Variants in MCM10 observed in about 807,000 individuals in gnomAD.
The protein encoded by MCM10 is protein MCM10 homolog.
MCM10 carries 91 observed loss-of-function variants against 109.9 expected under a neutral mutation model. That is an observed-to-expected ratio of 0.83 (90% CI 0.70 to 0.99). The LOEUF (loss-of-function observed/expected upper bound fraction) is 0.99. Among genes scored for constraint, MCM10 ranks in the 50% least tolerant of loss-of-function variants. The pLI is 0.00. For synonymous variants in MCM10, 380 were observed against 387.2 expected (o/e 0.98, Z 0.22); for missense variants, 1,077 against 1,061.2 (o/e 1.01, Z -0.21).
chr10:13,196,636 C>T (rs61852863), intron 14 of MCM10, among the ~76,000 whole-genome samples: 32,274 of 151,898 alleles, frequency 0.21, 4,060 homozygotes, highest in African/African-American at 0.32. Context: ...CCTCAGCCTC[C>T]CGAATTGCTG....
intron 3 of MCM10, 51 bp downstream of exon 3, chr10:13,171,314 A>G: frequency 6.9e-7 from 1 of 1,456,224 alleles, no homozygotes; most frequent in Admixed American, 2.3e-5. Flanking sequence ...TTGGATGAAG[A>G]CCACCAATCT....
chr10:13,166,382 T>C (rs1462200444), intron 2 of MCM10, among the ~76,000 whole-genome samples: 1 of 152,010 alleles, frequency 6.6e-6, no homozygotes, highest in African/African-American at 2.4e-5. Flanking sequence ...ACGCCTGTAA[T>C]CCCAGCACGT....
At chr10:13,177,814 C>T (rs946611774) in intron 6 of MCM10, among the ~76,000 whole-genome samples, 11 of 150,080 alleles carry the variant, frequency 7.3e-5, no homozygotes, top group African/African-American at 1.5e-4. Context: ...TGTGCCACTG[C>T]GCTCCATCCT....
At chr10:13,199,617 A>G (rs1046284846) in intron 16 of MCM10, among the ~76,000 whole-genome samples, 1 of 152,216 alleles carries the variant, frequency 6.6e-6, no homozygotes, top group Non-Finnish European at 1.5e-5. Flanking sequence ...AGTCATTTCG[A>G]AAAAAATCAA....
At chr10:13,164,340 G>T in intron 2 of MCM10, 131 bp downstream of exon 2, 1 of 751,398 alleles carries the variant, frequency 1.3e-6, no homozygotes, top group Non-Finnish European at 2.0e-6. Context: ...TAGTGGTTCT[G>T]AAGCAATCTC....
At chr10:13,174,131 T>G (rs1292967124) in intron 5 of MCM10, among the ~76,000 whole-genome samples, 12 of 143,090 alleles carry the variant, frequency 8.4e-5, no homozygotes, top group African/African-American at 2.8e-4. Context: ...GAGCTAGTTT[T>G]GGATTTTTTT....
chr10:13,205,537 T>C (rs1235040826), intron 18 of MCM10, among the ~76,000 whole-genome samples: 1 of 152,206 alleles, frequency 6.6e-6, no homozygotes, highest in Non-Finnish European at 1.5e-5. Context: ...TTTGGGTAGA[T>C]ACCCAGTAGT....
rs1834221301 is a variant in MCM10, at chr10:13,182,472, T to C, written c.931-461T>C. Reference sequence around the variant, plus strand: ...ACCTGGATGACAGAGCAAGACTCTGTCTCTAAAAATAATAATCATCATATA... The same window carrying C: ...ACCTGGATGACAGAGCAAGACTCTGCCTCTAAAAATAATAATCATCATATA... On this transcript the variant is annotated intron_variant, in intron 7 of 19. Coordinates refer to ENST00000378714, the MANE Select transcript of MCM10 (RefSeq NM_018518.5). This position sits in a 1 kb window ranked among gnomAD's most constrained non-coding sequence, Gnocchi z 4.2. Among the ~76,000 whole-genome samples, 1 of 152,100 alleles carries C rather than the reference T, an allele frequency of 6.6e-6. No homozygotes were observed. The highest frequency in any genetic ancestry group is 2.4e-5 in the African/African-American group (1 of 41,402).
rs757850691 is a variant in MCM10 at position 13,182,988 on chromosome 10, T to C, written c.986T>C (p.Val329Ala). 1 of 1,614,138 alleles carries C rather than the reference T, an allele frequency of 6.2e-7. No individual in the cohort carries two copies. Among genetic ancestry groups the C allele is most frequent in the Non-Finnish European group, 8.5e-7 (1 of 1,180,004 alleles). The change falls in exon 8 of 20, where the codon GTG becomes GCG. Residue 329 changes from valine (V) to alanine (A), a missense_variant. Transcript: ENST00000378714. The surrounding 1 kb of genome is among the most constrained non-coding windows in gnomAD (Gnocchi z 4.2). The stretch of plus-strand genomic sequence containing the variant: ...GATCTTCGTGACCTGACACAATGTG[T>C]GTCCTTGTTCTTATTTGGAGAAGTT... ...LNDLRDLTQCVSLFLFGEVHK... is the reference protein window; with the variant it reads ...LNDLRDLTQCASLFLFGEVHK...
chr10:13,192,360 C>T lies in MCM10; in HGVS notation c.1622C>T (p.Ala541Val), dbSNP rs114656409. 1,074 of 1,612,870 alleles carry T rather than the reference C, an allele frequency of 6.7e-4. 9 individuals are homozygous for T. The African/African-American group carries it at 0.012, about 18-fold the overall frequency. The change falls in exon 12 of 20, where the codon GCT (alanine) becomes GTT (valine). Residue 541 changes from alanine to valine, a missense_variant. By Grantham distance (64) the Ala-to-Val change is moderately conservative. Transcript: ENST00000378714. The part of the protein sequence containing the change: ...NLKQHLAKAT[A>V]SGIMGSPKPA... ...AAACAACATTTAGCCAAAGCCACAG[C>T]TTCAGGTACCATCAGCTGCATGGCC...
At chr10:13,173,521 C>G (rs1434480748) in intron 5 of MCM10, among the ~76,000 whole-genome samples, 4 of 152,130 alleles carry the variant, frequency 2.6e-5, no homozygotes, top group African/African-American at 9.7e-5. Flanking sequence ...GCTTTCTGCC[C>G]TATGTATTGC....
chr10:13,173,823 C>T (rs1834106466), intron 5 of MCM10, among the ~76,000 whole-genome samples: 1 of 152,090 alleles, frequency 6.6e-6, no homozygotes, highest in Admixed American at 6.5e-5. Context: ...GGGGAATGGG[C>T]CTGGCCTCTA....
chr10:13,196,742 A>G (rs900608552), intron 14 of MCM10, among the ~76,000 whole-genome samples: 2 of 151,480 alleles, frequency 1.3e-5, no homozygotes, highest in African/African-American at 4.9e-5. Context: ...CGAACTCCTG[A>G]CCTCAAGTGA....
rs745306837 is a variant in MCM10, at chr10:13,171,262, AG to A, written c.349+1del. 14 of 1,605,408 alleles carry A rather than the reference AG, an allele frequency of 8.7e-6. No individual in the cohort carries two copies. Among genetic ancestry groups the A allele is most frequent in the Non-Finnish European group, 1.2e-5 (14 of 1,175,700 alleles). ...GAGAGAAAACGAATGAAGAGTTGCA[AG>A]GTGCCCTAACTACTTGCCTTCCTTA... ...RREKTNEELQ[E>X]ELRNLQEQMK... On this transcript the variant is annotated frameshift_variant and splice_region_variant, in exon 3 of 20. Coordinates refer to ENST00000378714, the MANE Select transcript of MCM10 (RefSeq NM_018518.5). LOFTEE classifies it high-confidence loss of function.
At chr10:13,194,104 C>T (rs922745206) in intron 13 of MCM10, among the ~76,000 whole-genome samples, 4 of 152,158 alleles carry the variant, frequency 2.6e-5, no homozygotes, top group African/African-American at 9.7e-5. Context: ...TGGCTTATGT[C>T]TGTAATCCTA....
rs1834417312 is a variant in MCM10, at chr10:13,196,085, T to C, written c.1974+816T>C. Among the ~76,000 whole-genome samples, 5 of 152,072 alleles carry C rather than the reference T, an allele frequency of 3.3e-5. 1 individual carries two copies. In the South Asian group the frequency reaches 1.0e-3, roughly 32 times the overall value. On this transcript the variant is annotated intron_variant, in intron 14 of 19. Transcript: ENST00000378714. ...CCACGCCTTGGCTAATTTTTGTATT[T>C]TTTGTAGAGATGGGGGCCTCCCTTT...
intron 6 of MCM10, among the ~76,000 whole-genome samples, 191 bp from the exon 7 acceptor site, chr10:13,180,251 T>TAA (rs60239568): frequency 7.0e-6 from 1 of 142,940 alleles, no homozygotes; most frequent in Non-Finnish European, 1.5e-5. Flanking sequence ...ACTCCATCTT[T>TAA]AAAAAAAAAA....
Position 13,191,597 on chromosome 10 carries a change from T to C in MCM10, c.1516+198T>C, listed in dbSNP as rs142822807. Among the ~76,000 whole-genome samples, 57 of 152,140 alleles carry C rather than the reference T, an allele frequency of 3.7e-4. No homozygotes were observed. In the East Asian group the frequency reaches 0.01, roughly 27 times the overall value. The stretch of plus-strand genomic sequence containing the variant: ...AAGCAAGCAAGCAAGCAAGCAGTCT[T>C]TAGGGTTGAAAATGGATACAGCTCA... On this transcript the variant is annotated intron_variant, in intron 11 of 19. Transcript: ENST00000378714.
chr10:13,163,114 G>A (rs1221589826), intron 1 of MCM10, among the ~76,000 whole-genome samples: 1 of 150,310 alleles, frequency 6.7e-6, no homozygotes, highest in African/African-American at 2.4e-5. Flanking sequence ...CAAGGCTGAT[G>A]GATCACTTGA....
Sources: gnomAD v4.1 joint callset for allele counts (sites outside exome capture counted in the v4.1 genomes callset) on GRCh38, gnomAD v4.1.1 for gene constraint, Gnocchi (gnomAD v3.1) non-coding constraint, MANE v1.5 for transcripts, NCBI Gene and HGNC (gene_info 2026-07-23, HGNC 2026-07-21) for gene names.